The following RAD9A variants were observed in gnomAD, a reference collection of about 807,000 sequenced individuals.
RAD9A encodes cell cycle checkpoint control protein RAD9A.
In RAD9A, 25 loss-of-function variants were observed where a neutral mutation model predicts 41.2. The observed-to-expected ratio is 0.61, with a 90% CI of 0.44 to 0.85. The LOEUF (loss-of-function observed/expected upper bound fraction) is 0.85, where lower values mean the gene tolerates loss of function less well. RAD9A is among the 40% of genes least tolerant of loss of function. The pLI is 0.00. For synonymous variants in RAD9A, 252 were observed against 210.6 expected (o/e 1.20, Z -1.70); for missense variants, 514 against 518.3 (o/e 0.99, Z 0.08).
rs772916207 is a variant in RAD9A, at chr11:67,393,968, C to T, written c.449+178C>T. ...CCTTACCTGGCTCTTTAAAGGCAGA[C>T]GGTGGCATGGAGGAGGGGCAGGCGC... On this transcript the variant is annotated intron_variant, in intron 5 of 10. Coordinates refer to ENST00000307980, the MANE Select transcript of RAD9A (RefSeq NM_004584.3). 2.6e-5 allele frequency among the ~76,000 whole-genome samples: 4 copies of T among 152,198 alleles called. No individual in the cohort carries two copies. The South Asian group carries it at 6.2e-4, about 24-fold the overall frequency.
Position 67,398,399 on chromosome 11 carries a change from A to G in RAD9A, c.*840A>G. The G allele has an allele frequency of 1.1e-6, 1 of 887,840 alleles. No individual in the cohort carries two copies. Among genetic ancestry groups the G allele is most frequent in the Non-Finnish European group, 1.7e-6 (1 of 591,042 alleles). The allele number at this position is 887,840 out of a possible 1,614,324, so 55.0% of individuals were successfully genotyped here. ...GCTGCTATTGATTCATTAAAAAAAG[A>G]AAAGAAAAATACACCAAGGCTCCAT... is the stretch of plus-strand genomic sequence containing the variant. On this transcript the variant is annotated 3_prime_UTR_variant, in exon 11 of 11. Transcript: ENST00000307980.
Position 67,396,369 on chromosome 11 carries a change from C to T in RAD9A, c.841C>T (p.His281Tyr), listed in dbSNP as rs2134959393. 1.9e-6 allele frequency: 3 copies of T among 1,613,938 alleles called. No individual in the cohort carries two copies. Among genetic ancestry groups the T allele is most frequent in the African/African-American group, 1.3e-5 (1 of 75,036 alleles). ...CCAGGACCTGGGCTCCCCAGAGCGTCACCAGCCAGTGCCTCAGCTCCAGGC... is the reference window on the plus strand; with the variant it reads ...CCAGGACCTGGGCTCCCCAGAGCGTTACCAGCCAGTGCCTCAGCTCCAGGC... ...HSQDLGSPER[H>Y]QPVPQLQAHS... The change falls in exon 9 of 11, where the codon CAC (histidine) becomes TAC (tyrosine). Residue 281 changes from histidine to tyrosine, a missense_variant. Physicochemically the swap from His to Tyr is moderately conservative, Grantham distance 83 (BLOSUM62 2). Coordinates refer to ENST00000307980, the MANE Select transcript of RAD9A (RefSeq NM_004584.3).
rs1267986281 is a variant in RAD9A, at chr11:67,392,746, T to C, written c.198T>C (p.Pro66=). 6.2e-7 allele frequency: 1 copy of C among 1,614,082 alleles called. No homozygotes were observed. Among genetic ancestry groups the C allele is most frequent in the South Asian group, 1.1e-5 (1 of 91,086 alleles). The change falls in exon 3 of 11, where the codon CCT becomes CCC. Residue 66 remains proline, a synonymous_variant. Transcript: ENST00000307980. ...TCCAGCAATACCAGGCAGCCACCCCTGGTCAGGACCTGCTGCGCTGTAAGA... is the reference window on the plus strand; with the variant it reads ...TCCAGCAATACCAGGCAGCCACCCCCGGTCAGGACCTGCTGCGCTGTAAGA... ...LFFQQYQAAT[P]GQDLLRCKIL...
intron 3 of RAD9A, 81 bp from the exon 4 acceptor site, chr11:67,393,415 A>G: frequency 1.3e-6 from 2 of 1,555,808 alleles, no homozygotes; most frequent in African/African-American, 2.7e-5. Context: ...TGCTGGGCCC[A>G]TGATGGGTGT....
At chr11:67,393,889 TAC>T (rs1862608054) in intron 5 of RAD9A, 99 bp downstream of exon 5, 20 of 1,014,364 alleles carry the variant, frequency 2.0e-5, no homozygotes, top group Middle Eastern at 3.3e-4. Context: ...TCATTTTCCC[TAC>T]AGAGTTTCTG....
In RAD9A at chr11:67,392,121, G is replaced by C. The variant is rs747978874; in HGVS notation, c.35-40G>C. 6.2e-6 allele frequency: 10 copies of C among 1,607,716 alleles called. No individual in the cohort carries two copies. In the East Asian group the frequency reaches 2.2e-4, roughly 36 times the overall value. ...TGGCAGCGGCGGTGCAGCAGCCGCGGAGCCGCCAGCCTAACCCCCTTCCGC... is the reference window on the plus strand; with the variant it reads ...TGGCAGCGGCGGTGCAGCAGCCGCGCAGCCGCCAGCCTAACCCCCTTCCGC... On this transcript the variant is annotated intron_variant, in intron 1 of 10. Coordinates refer to ENST00000307980, the MANE Select transcript of RAD9A (RefSeq NM_004584.3).
Position 67,396,147 on chromosome 11 carries a change from CTT to C in RAD9A, c.707_708del (p.Leu236GlnfsTer5). On this transcript the variant is annotated frameshift_variant, in exon 8 of 11. Coordinates refer to ENST00000307980, the MANE Select transcript of RAD9A (RefSeq NM_004584.3). LOFTEE classifies it high-confidence loss of function. ...CTTTGCAGAGTCAGCAAACTTGAAT[CTT>C]AGCATTCATTTTGATGCTCCAGGCA... Reference protein sequence around the residue: ...LSFAESANLNLSIHFDAPGRP... With the variant: ...LSFAESANLNXSIHFDAPGRP... The C allele has an allele frequency of 6.2e-7, 1 of 1,614,002 alleles. No individual in the cohort carries two copies. Among genetic ancestry groups the C allele is most frequent in the Non-Finnish European group, 8.5e-7 (1 of 1,179,884 alleles).
chr11:67,395,327 A>C (rs964483362), intron 5 of RAD9A: 6 of 196,446 alleles, frequency 3.1e-5, no homozygotes, highest in Non-Finnish European at 6.1e-5. Context: ...CTCATGAATA[A>C]TTTCAAATAT....
At position 67,393,370 on chromosome 11, in the gene RAD9A, C is replaced by G. The variant is rs573660714; in HGVS notation, c.235-126C>G. 11 of 1,460,148 alleles carry G rather than the reference C, an allele frequency of 7.5e-6. No homozygotes were observed. In the South Asian group the frequency reaches 1.3e-4, roughly 17 times the overall value. The allele number at this position is 1,460,148 out of a possible 1,614,324, so 90.4% of individuals were successfully genotyped here. A position where few individuals can be genotyped will look rare whatever the true frequency, so the allele number is the denominator to read the frequency against. ...TGAGGCCTAGAAGGATGCCAGTGCC[C>G]GAGGTGACGTGGGAGCCCTTTTCCC... On this transcript the variant is annotated intron_variant, in intron 3 of 10. Transcript: ENST00000307980.
chr11:67,398,183 G>A lies in RAD9A; in HGVS notation c.*624G>A, dbSNP rs561521269. On this transcript the variant is annotated 3_prime_UTR_variant, in exon 11 of 11. Transcript: ENST00000307980. ...TTAGATGTGAGACGGAGGCCATGGC[G>A]AGAATCCAGCTTTGACCTTTATTCA... 14 of 306,274 alleles carry A rather than the reference G, an allele frequency of 4.6e-5. No homozygotes were observed. In the East Asian group the frequency reaches 8.4e-4, roughly 18 times the overall value. 19.0% of individuals were successfully genotyped at this position (306,274 alleles called of 1,614,324 possible). A position where few individuals can be genotyped will look rare whatever the true frequency, so the allele number is the denominator to read the frequency against.
At chr11:67,397,080 C>T in intron 9 of RAD9A, 99 bp from the exon 10 acceptor site, 5 of 805,406 alleles carry the variant, frequency 6.2e-6, no homozygotes, top group South Asian at 1.5e-5. Context: ...AAGAGATCTC[C>T]AGTGGTCGGG....
Position 67,396,037 on chromosome 11 carries a change from G to C in RAD9A, c.669+16G>C. ...GGAATTCCGGGTGAGGTTCCTCCCA[G>C]GCGCTCGCCGTCCTGTCCTCCCTGC... is the stretch of plus-strand genomic sequence containing the variant. On this transcript the variant is annotated intron_variant, in intron 7 of 10. Transcript: ENST00000307980. The C allele has an allele frequency of 1.2e-6, 2 of 1,614,038 alleles. No individual in the cohort carries two copies. The highest frequency in any genetic ancestry group is 1.7e-6 in the Non-Finnish European group (2 of 1,179,908).
Position 67,395,753 on chromosome 11 carries a change from C to G in RAD9A, c.487C>G (p.Leu163Val), listed in dbSNP as rs756796040. The part of the protein sequence containing the change: ...GEAVLPFSPA[L>V]AEVTLGIGRG... ...GGCTGTTCTGCCCTTCTCTCCTGCA[C>G]TGGCTGAAGTGACGCTGGGCATTGG... Residue 163 changes from leucine (L) to valine (V), a missense_variant, in exon 6 of 11, where the codon CTG becomes GTG. Physicochemically the swap from Leu to Val is conservative, Grantham distance 32. This residue lies in a region of RAD9A where 268 missense variants were observed against 279.3 expected (regional missense o/e 0.96). Transcript: ENST00000307980. 6.2e-7 allele frequency: 1 copy of G among 1,613,094 alleles called. No homozygotes were observed.
chr11:67,394,708 C>T (rs546419919), intron 5 of RAD9A, among the ~76,000 whole-genome samples: 154 of 152,150 alleles, frequency 1.0e-3, no homozygotes, highest in African/African-American at 3.6e-3. Context: ...CTCCGCCTCC[C>T]GATAAAAGTG....
At position 67,398,294 on chromosome 11, in the gene RAD9A, C is replaced by T; in HGVS notation, c.*735C>T. ...GACCCACGACCTGGCCTGCCGTTGC[C>T]CTGAGCTGCAGCCTCGGCCCCAGGA... On this transcript the variant is annotated 3_prime_UTR_variant, in exon 11 of 11. Transcript: ENST00000307980. 3.6e-6 allele frequency: 2 copies of T among 549,448 alleles called. No individual in the cohort carries two copies. Among genetic ancestry groups the T allele is most frequent in the Non-Finnish European group, 6.4e-6 (2 of 312,500 alleles). The allele number at this position is 549,448 out of a possible 1,614,324, so 34.0% of individuals were successfully genotyped here. A position where few individuals can be genotyped will look rare whatever the true frequency, so the allele number is the denominator to read the frequency against.
intron 2 of RAD9A, 28 bp from the exon 3 acceptor site, chr11:67,392,626 G>T: frequency 6.2e-7 from 1 of 1,612,272 alleles, no homozygotes; most frequent in Non-Finnish European, 8.5e-7. Context: ...CCCTGACCAC[G>T]TCCCTCTCCC....
At chr11:67,393,106 C>A in intron 3 of RAD9A, 1 of 387,768 alleles carries the variant, frequency 2.6e-6, no homozygotes, top group South Asian at 3.2e-5. Flanking sequence ...ATGGCGAAAC[C>A]CCGTCTCTAC....
Position 67,397,589 on chromosome 11 carries a change from CCTTGGA to C in RAD9A, c.*33_*38del. The C allele has an allele frequency of 2.6e-6, 4 of 1,542,630 alleles. No individual in the cohort carries two copies. The highest frequency in any genetic ancestry group is 3.6e-6 in the Non-Finnish European group (4 of 1,122,042). ...AGAACCTGAAGCCTGTACCCAGAGGCCTTGGACTAGACGAAGCCCCAGCCAGTGGCA... is the reference window on the plus strand; with the variant it reads ...AGAACCTGAAGCCTGTACCCAGAGGCCTAGACGAAGCCCCAGCCAGTGGCA... On this transcript the variant is annotated 3_prime_UTR_variant, in exon 11 of 11. Transcript: ENST00000307980.
intron 9 of RAD9A, 31 bp from the exon 10 acceptor site, chr11:67,397,148 C>T (rs777051146): frequency 3.2e-6 from 5 of 1,555,838 alleles, no homozygotes; most frequent in Non-Finnish European, 2.7e-6. Flanking sequence ...CTCCCCCAGT[C>T]CCCTCCCTGA....
Sources: gnomAD v4.1 joint callset for allele counts (sites outside exome capture counted in the v4.1 genomes callset) on GRCh38, gnomAD v4.1.1 for gene constraint, gnomAD v4.1.1 regional missense constraint, MANE v1.5 for transcripts, NCBI Gene and HGNC (gene_info 2026-07-23, HGNC 2026-07-21) for gene names.